The following ME3 variants were observed in gnomAD, a reference collection of about 807,000 sequenced individuals.
The protein encoded by ME3 is malic enzyme 3.
In ME3, 48 loss-of-function variants were observed where a neutral mutation model predicts 68.9. The ratio of observed to expected loss-of-function variants is 0.70; its 90% CI spans 0.55 to 0.89. The LOEUF (loss-of-function observed/expected upper bound fraction) is 0.89. Among genes scored for constraint, ME3 ranks in the 40% least tolerant of loss-of-function variants. ME3 has a pLI of 0.00. For missense variants in ME3, 675 were observed against 797.4 expected (o/e 0.85, Z 1.85); for synonymous variants, 320 against 318.8 (o/e 1.00, Z -0.04).
chr11:86,442,858 C>T lies in ME3; in HGVS notation c.1616G>A (p.Ser539Asn). The stretch of plus-strand genomic sequence containing the variant: ...TCTCAAAGACACGTCTCGGATGGTG[C>T]TGAGTGGTGGGTAGAGTCTCCCCTG... The change falls in exon 14 of 15, where the codon AGC becomes AAC. Residue 539 changes from serine (S) to asparagine (N), a missense_variant. By Grantham distance (46) the Ser-to-Asn change is conservative. Coordinates refer to ENST00000543262, the Ensembl canonical transcript of ME3. 1.9e-6 allele frequency: 3 copies of T among 1,613,512 alleles called. No homozygotes were observed. In the East Asian group the frequency reaches 6.7e-5, roughly 36 times the overall value.
intron 2 of ME3, among the ~76,000 whole-genome samples, chr11:86,641,760 G>C: frequency 6.6e-6 from 1 of 152,100 alleles, no homozygotes; most frequent in South Asian, 2.1e-4. Context: ...TAGCATCATG[G>C]ATAGAGTCAT....
intron 4 of ME3, among the ~76,000 whole-genome samples, chr11:86,516,447 G>T (rs977440986): frequency 6.6e-6 from 1 of 152,026 alleles, no homozygotes; most frequent in Non-Finnish European, 1.5e-5. Context: ...GAGTACAGTG[G>T]CATGATCTCT....
intron 8 of ME3, among the ~76,000 whole-genome samples, chr11:86,451,049 G>T (rs1448945077): frequency 6.6e-6 from 1 of 152,248 alleles, no homozygotes; most frequent in African/African-American, 2.4e-5. Context: ...TTTACAAGTT[G>T]TTGTGAATAA....
intron 7 of ME3, among the ~76,000 whole-genome samples, chr11:86,479,723 T>C (rs542272110): frequency 1.8e-4 from 27 of 152,336 alleles, no homozygotes; most frequent in African/African-American, 6.5e-4. Context: ...CACCAAATAG[T>C]TGGGTACTGA....
intron 2 of ME3, among the ~76,000 whole-genome samples, chr11:86,634,766 T>C (rs1944229225): frequency 6.6e-6 from 1 of 152,248 alleles, no homozygotes; most frequent in African/African-American, 2.4e-5. Flanking sequence ...CATTGTCTTC[T>C]TTCTTGGAAA....
Position 86,574,970 on chromosome 11 carries a change from C to T in ME3, c.184-15147G>A, listed in dbSNP as rs749188110. On this transcript the variant is annotated intron_variant, in intron 2 of 14. Transcript: ENST00000543262. The stretch of plus-strand genomic sequence containing the variant: ...CTCCATTTTCTGTGAACACTGGCAG[C>T]TTGCAACCCTGACAGGTTGTCCAGC... Among the ~76,000 whole-genome samples, 24 of 118,020 alleles carry T rather than the reference C, an allele frequency of 2.0e-4. 3 individuals carry two copies. Among genetic ancestry groups the T allele is most frequent in the Non-Finnish European group, 3.2e-4 (18 of 55,828 alleles). 77.4% of individuals were successfully genotyped at this position (118,020 alleles called of 152,430 possible).
At chr11:86,638,839 T>C (rs867596008) in intron 2 of ME3, among the ~76,000 whole-genome samples, 2 of 152,332 alleles carry the variant, frequency 1.3e-5, no homozygotes, top group East Asian at 1.9e-4. Context: ...TGTAAATCCA[T>C]GTCCCTTGAA....
At chr11:86,551,117 C>G (rs1452565797) in intron 4 of ME3, among the ~76,000 whole-genome samples, 1 of 152,082 alleles carries the variant, frequency 6.6e-6, no homozygotes, top group Non-Finnish European at 1.5e-5. Context: ...GAACCTTAAC[C>G]ATATCCTCTT....
chr11:86,542,971 C>A (rs1049940446), intron 4 of ME3, among the ~76,000 whole-genome samples: 2 of 152,208 alleles, frequency 1.3e-5, no homozygotes, highest in Non-Finnish European at 2.9e-5. Flanking sequence ...AGAAACCCTA[C>A]ATGCCAGAAG....
chr11:86,556,849 A>G (rs1956957106), intron 3 of ME3, 147 bp from the exon 4 acceptor site: 4 of 756,442 alleles, frequency 5.3e-6, no homozygotes, highest in Non-Finnish European at 8.5e-6. Context: ...ATGAGCTTCA[A>G]CAGCTATGAA....
Position 86,528,621 on chromosome 11 carries a change from G to A in ME3, c.468-19754C>T, listed in dbSNP as rs1446943135. Among the ~76,000 whole-genome samples, 7 of 152,068 alleles carry A rather than the reference G, an allele frequency of 4.6e-5. No homozygotes were observed. In the East Asian group the frequency reaches 1.3e-3, roughly 29 times the overall value. On this transcript the variant is annotated intron_variant, in intron 4 of 14. Transcript: ENST00000543262. ...ATAGTTGGAAGTAAAGCACTCCTCA[G>A]CAAATGTAAAAGAACAGAAATTATA...
intron 2 of ME3, among the ~76,000 whole-genome samples, chr11:86,579,221 A>G (rs2139598137): frequency 6.6e-6 from 1 of 152,268 alleles, no homozygotes; most frequent in East Asian, 1.9e-4. Flanking sequence ...ATTAATTTCA[A>G]ATTATGTAGG....
intron 2 of ME3, among the ~76,000 whole-genome samples, chr11:86,642,722 A>G (rs1944746835): frequency 6.6e-6 from 1 of 152,092 alleles, no homozygotes; most frequent in Non-Finnish European, 1.5e-5. Context: ...AAATCAAATA[A>G]AAAGGGCTCA....
At chr11:86,570,621 A>T (rs1041721704) in intron 2 of ME3, among the ~76,000 whole-genome samples, 1 of 152,188 alleles carries the variant, frequency 6.6e-6, no homozygotes, top group Admixed American at 6.5e-5. Flanking sequence ...GTGCAACATT[A>T]CAGATCCAGA....
Position 86,450,015 on chromosome 11 carries a change from A to G in ME3, c.1018-13T>C, listed in dbSNP as rs553060352. On this transcript the variant is annotated splice_polypyrimidine_tract_variant and intron_variant, in intron 9 of 14. Transcript: ENST00000543262. ...TGCCCATAGCTGCCTGGAAGGTACC[A>G]TAGGGTAGATGTTCAGACACAGGGC... 2.5e-6 allele frequency: 4 copies of G among 1,581,408 alleles called. No homozygotes were observed. Among genetic ancestry groups the G allele is most frequent in the East Asian group, 4.5e-5 (2 of 44,590 alleles).
intron 2 of ME3, among the ~76,000 whole-genome samples, chr11:86,653,960 A>G (rs1381591560): frequency 2.0e-5 from 3 of 152,220 alleles, no homozygotes; most frequent in Admixed American, 6.5e-5. Flanking sequence ...AGAGAATACT[A>G]TAAACACCTC....
At chr11:86,611,870 A>G (rs1021452760) in intron 2 of ME3, among the ~76,000 whole-genome samples, 9 of 152,156 alleles carry the variant, frequency 5.9e-5, no homozygotes, top group African/African-American at 2.2e-4. Context: ...ACCAATATCA[A>G]CCATTTATTG....
At chr11:86,578,543 A>G (rs574909194) in intron 2 of ME3, among the ~76,000 whole-genome samples, 1 of 152,338 alleles carries the variant, frequency 6.6e-6, no homozygotes, top group Admixed American at 6.5e-5. Context: ...TGACAGGGCA[A>G]GTGTCCAACA....
At chr11:86,576,060 C>A (rs114953003) in intron 2 of ME3, among the ~76,000 whole-genome samples, 4 of 152,206 alleles carry the variant, frequency 2.6e-5, no homozygotes, top group Non-Finnish European at 1.5e-5. Flanking sequence ...GAATAATAAT[C>A]CCTGCTTCAA....
Sources: gnomAD v4.1 joint callset for allele counts (sites outside exome capture counted in the v4.1 genomes callset) on GRCh38, gnomAD v4.1.1 for gene constraint, MANE v1.5 for transcripts, NCBI Gene and HGNC (gene_info 2026-07-23, HGNC 2026-07-21) for gene names.